Variants in SLC22A25 observed in about 807,000 individuals in gnomAD.
The protein encoded by SLC22A25 is MGI:2442751, MGI:2385316, MGI:3042283, MGI:3645714, MGI:3605624, MGI:2442750.
Under a neutral mutation model 45.9 loss-of-function variants are expected in SLC22A25, and 44 were observed. That is an observed-to-expected ratio of 0.96 (90% CI 0.75 to 1.23). The LOEUF (loss-of-function observed/expected upper bound fraction) is 1.23, where lower values mean the gene tolerates loss of function less well. SLC22A25 is among the 50% of genes most tolerant of loss of function. SLC22A25 has a pLI of 0.00. For synonymous variants in SLC22A25, 283 were observed against 238.6 expected (o/e 1.19, Z -1.72); for missense variants, 800 against 666.4 (o/e 1.20, Z -2.21).
At position 63,229,421 on chromosome 11, in the gene SLC22A25, G is replaced by A. The variant is rs774245951; in HGVS notation, c.232C>T (p.Pro78Ser). ...SQDALLRISIPFDSNLRPEKC... is the reference protein window; with the variant it reads ...SQDALLRISISFDSNLRPEKC... ...TCTGGCCTCAGATTTGAGTCGAATG[G>A]GATGGAGATTCTCAGGAGGGCATCC... The change falls in exon 4 of 12, where the codon CCA (proline) becomes TCA (serine). Residue 78 changes from proline to serine, a missense_variant. By Grantham distance (74) the Pro-to-Ser change is moderately conservative. Coordinates refer to ENST00000306494, the MANE Select transcript of SLC22A25 (RefSeq NM_199352.6). The A allele has an allele frequency of 6.2e-7, 1 of 1,614,154 alleles. No homozygotes were observed. The highest frequency in any genetic ancestry group is 1.1e-5 in the South Asian group (1 of 91,078).
At chr11:63,209,389 G>T (rs1469290577) in intron 7 of SLC22A25, among the ~76,000 whole-genome samples, 3 of 152,148 alleles carry the variant, frequency 2.0e-5, no homozygotes, top group African/African-American at 7.2e-5. Context: ...GAAAGAGAAT[G>T]TCGGCCCCCA....
chr11:63,180,691 A>G lies in SLC22A25; in HGVS notation c.1039T>C (p.Cys347Arg), dbSNP rs1180996543. ...AAGGACAGGAAACAGATTCTTTTAC[A>G]TATGTTGGGTATGCGGAGCAATTCA... is the stretch of plus-strand genomic sequence containing the variant. ...LCELLRIPNI[C>R]KRICFLSFVR... The change falls in exon 9 of 12, where the codon TGT becomes CGT. Residue 347 changes from cysteine (C) to arginine (R), a missense_variant. Transcript: ENST00000306494. 18 of 1,612,942 alleles carry G rather than the reference A, an allele frequency of 1.1e-5. No individual in the cohort carries two copies. The highest frequency in any genetic ancestry group is 2.2e-5 in the East Asian group (1 of 44,826).
At chr11:63,174,356 A>G (rs2088007929) in intron 9 of SLC22A25, among the ~76,000 whole-genome samples, 1 of 152,148 alleles carries the variant, frequency 6.6e-6, no homozygotes. Context: ...TCCCAGTGGC[A>G]GAGCAATGGT....
At chr11:63,167,269 AG>A in intron 9 of SLC22A25, 1 of 131,652 alleles carries the variant, frequency 7.6e-6, no homozygotes, top group Non-Finnish European at 1.7e-5. Context: ...TAGCTGCAGG[AG>A]TTTTTTTTTT....
intron 4 of SLC22A25, 128 bp downstream of exon 4, chr11:63,229,123 A>G: frequency 2.0e-6 from 2 of 993,952 alleles, no homozygotes; most frequent in Non-Finnish European, 2.8e-6. Context: ...TAGAGAAGCA[A>G]TTAATGTTTC....
At chr11:63,232,455 A>G (rs2090087297) in intron 3 of SLC22A25, among the ~76,000 whole-genome samples, 1 of 152,142 alleles carries the variant, frequency 6.6e-6, no homozygotes, top group African/African-American at 2.4e-5. Flanking sequence ...GGTGTATAAG[A>G]ATGCTTGTGA....
chr11:63,209,873 G>C (rs959820870), intron 7 of SLC22A25, among the ~76,000 whole-genome samples: 1 of 152,220 alleles, frequency 6.6e-6, no homozygotes, highest in African/African-American at 2.4e-5. Context: ...CTCTCAGCTG[G>C]TTAGAAGGGG....
intron 5 of SLC22A25, chr11:63,220,111 C>A: frequency 1.1e-6 from 1 of 906,578 alleles, no homozygotes; most frequent in Non-Finnish European, 1.6e-6. Context: ...AGATTACTTA[C>A]CTTTTGTTGT....
intron 7 of SLC22A25, among the ~76,000 whole-genome samples, chr11:63,189,715 C>A (rs1039545011): frequency 6.6e-6 from 1 of 152,180 alleles, no homozygotes; most frequent in Non-Finnish European, 1.5e-5. Context: ...GTGCTTCCTT[C>A]AGGAGCTCTT....
At chr11:63,206,997 C>T (rs1353652980) in intron 7 of SLC22A25, among the ~76,000 whole-genome samples, 1 of 152,158 alleles carries the variant, frequency 6.6e-6, no homozygotes, top group African/African-American at 2.4e-5. Flanking sequence ...ACCATCTGAT[C>T]TTTGATAAAC....
chr11:63,187,997 T>A (rs185505100), intron 7 of SLC22A25, among the ~76,000 whole-genome samples: 1,590 of 152,314 alleles, frequency 0.01, 32 homozygotes, highest in African/African-American at 0.036. Flanking sequence ...GATATTGGTC[T>A]AAAATTCTCT....
intron 3 of SLC22A25, among the ~76,000 whole-genome samples, chr11:63,234,786 T>C (rs60189799): frequency 0.048 from 7,344 of 152,288 alleles, 578 homozygotes; most frequent in African/African-American, 0.17. Context: ...CGGTTGTTCC[T>C]TTCCATGTTT....
At chr11:63,205,610 G>C (rs1240196188) in intron 7 of SLC22A25, among the ~76,000 whole-genome samples, 1 of 152,166 alleles carries the variant, frequency 6.6e-6, no homozygotes, top group African/African-American at 2.4e-5. Flanking sequence ...CCAGGAAGAA[G>C]TTGAATCCTT....
intron 8 of SLC22A25, 51 bp downstream of exon 8, chr11:63,183,643 T>C (rs781356433): frequency 1.9e-5 from 30 of 1,609,122 alleles, no homozygotes; most frequent in Non-Finnish European, 1.7e-5. Flanking sequence ...CAAGTATAGA[T>C]GACAATTTAT....
At chr11:63,226,911 CTG>C (rs1433489151) in intron 5 of SLC22A25, among the ~76,000 whole-genome samples, 3 of 152,222 alleles carry the variant, frequency 2.0e-5, no homozygotes, top group African/African-American at 7.2e-5. Context: ...AGGAATCTGT[CTG>C]TGTGTCCAAT....
intron 7 of SLC22A25, among the ~76,000 whole-genome samples, chr11:63,203,405 C>T (rs529430465): frequency 1.7e-4 from 26 of 151,728 alleles, no homozygotes; most frequent in African/African-American, 5.8e-4. Context: ...AGCCAAGAAC[C>T]TTGAAAAAAG....
At chr11:63,235,811 A>G (rs565861175) in intron 3 of SLC22A25, among the ~76,000 whole-genome samples, 89 of 151,978 alleles carry the variant, frequency 5.9e-4, no homozygotes, top group Non-Finnish European at 1.2e-3. Context: ...TGACGTACAG[A>G]TGGGTTTTTG....
intron 6 of SLC22A25, 28 bp from the exon 7 acceptor site, chr11:63,217,510 C>T: frequency 6.2e-7 from 1 of 1,611,788 alleles, no homozygotes; most frequent in Non-Finnish European, 8.5e-7. Flanking sequence ...CAAGATTTAG[C>T]TTTAAATACA....
chr11:63,188,711 C>T (rs2088668813), intron 7 of SLC22A25, among the ~76,000 whole-genome samples: 1 of 152,116 alleles, frequency 6.6e-6, no homozygotes, highest in Non-Finnish European at 1.5e-5. Context: ...CTACACACTG[C>T]TTTGAATGCG....
Sources: allele counts gnomAD v4.1 joint callset (sites outside exome capture counted in the v4.1 genomes callset), GRCh38; gene constraint gnomAD v4.1.1; transcripts MANE v1.5; gene names NCBI Gene and HGNC (gene_info 2026-07-23, HGNC 2026-07-21).